Variants in ZC3H12B observed in about 807,000 individuals in gnomAD.
ZC3H12B encodes the protein probable ribonuclease ZC3H12B.
In ZC3H12B, 7 loss-of-function variants were observed where a neutral mutation model predicts 43.9. That is an observed-to-expected ratio of 0.16 (90% CI 0.09 to 0.30). The LOEUF is 0.30. Among genes scored for constraint, ZC3H12B ranks in the 10% least tolerant of loss-of-function variants. The probability of loss-of-function intolerance (pLI) is 1.00; values close to 1 mark genes in which losing one functional copy is unlikely to be tolerated. For synonymous variants in ZC3H12B, 222 were observed against 241.7 expected (o/e 0.92, Z 0.76); for missense variants, 475 against 670.2 (o/e 0.71, Z 3.22).
the ZC3H12B span, among the ~76,000 whole-genome samples, chrX:65,350,842 A>G: frequency 1.8e-5 from 2 of 112,128 alleles, no homozygotes; most frequent in East Asian, 5.6e-4. Context: ...ATGGAAAAAC[A>G]TTCCATGCTC....
At chrX:65,228,241 A>T in the ZC3H12B span, among the ~76,000 whole-genome samples, 1 of 112,192 alleles carries the variant, frequency 8.9e-6, no homozygotes, top group Admixed American at 9.5e-5. Flanking sequence ...ACACAAATCA[A>T]TAAATATAAT....
the ZC3H12B span, among the ~76,000 whole-genome samples, chrX:65,163,388 G>A: frequency 9.0e-6 from 1 of 111,678 alleles, no homozygotes; most frequent in Admixed American, 9.5e-5. Flanking sequence ...GCCTACAGAA[G>A]CAGGCAGGCC....
At chrX:65,209,772 C>T in the ZC3H12B span, among the ~76,000 whole-genome samples, 1 of 104,919 alleles carries the variant, frequency 9.5e-6, no homozygotes, top group Non-Finnish European at 1.9e-5. Flanking sequence ...CACATATCTA[C>T]AACTATCTGA....
intron 3 of ZC3H12B, chrX:65,408,591 C>A: frequency 8.7e-7 from 1 of 1,154,256 alleles, no homozygotes; most frequent in African/African-American, 1.8e-5. Flanking sequence ...CTGTCTAGTG[C>A]TCTGAGTGGG....
chrX:65,306,622 G>A, the ZC3H12B span, among the ~76,000 whole-genome samples: 1 of 111,571 alleles, frequency 9.0e-6, no homozygotes, highest in Admixed American at 9.5e-5. Context: ...CAATCCACCC[G>A]CCTCGGCCTC....
the ZC3H12B span, among the ~76,000 whole-genome samples, chrX:65,285,214 C>G: frequency 9.1e-6 from 1 of 109,928 alleles, no homozygotes; most frequent in Non-Finnish European, 1.9e-5. Flanking sequence ...TTGGTACACC[C>G]TTCACTTGAG....
chrX:65,204,145 T>C, the ZC3H12B span, among the ~76,000 whole-genome samples: 1 of 110,768 alleles, frequency 9.0e-6, no homozygotes, highest in African/African-American at 3.4e-5. Context: ...AAAACTGTAT[T>C]TTCTACCCTC....
chrX:65,078,731 T>A, the ZC3H12B span, among the ~76,000 whole-genome samples: 1 of 111,290 alleles, frequency 9.0e-6, no homozygotes, highest in South Asian at 3.8e-4. Flanking sequence ...TTTCTTTTAA[T>A]TTTTAATTTT....
intron 2 of ZC3H12B, among the ~76,000 whole-genome samples, chrX:65,378,027 G>A (rs929604222): frequency 9.0e-6 from 1 of 110,737 alleles, no homozygotes; most frequent in African/African-American, 3.3e-5. Flanking sequence ...TGAACCTGGG[G>A]GGTGAAGCTT....
the ZC3H12B span, among the ~76,000 whole-genome samples, chrX:65,230,080 G>A: frequency 9.0e-6 from 1 of 110,989 alleles, no homozygotes; most frequent in Non-Finnish European, 1.9e-5. Context: ...AAAGACACAT[G>A]CACACGTATG....
chrX:65,197,869 C>T, the ZC3H12B span, among the ~76,000 whole-genome samples: 1 of 112,121 alleles, frequency 8.9e-6, no homozygotes, highest in African/African-American at 3.2e-5. Context: ...ATAAATATGG[C>T]TAGTGACTCT....
chrX:65,481,135 C>T (rs1177200839), intron 3 of ZC3H12B, among the ~76,000 whole-genome samples: 1 of 110,811 alleles, frequency 9.0e-6, no homozygotes, highest in Non-Finnish European at 1.9e-5. Flanking sequence ...CACCTCCATG[C>T]CCTTTCATAT....
intron 2 of ZC3H12B, among the ~76,000 whole-genome samples, chrX:65,382,769 A>G (rs1312183724): frequency 3.6e-5 from 4 of 111,899 alleles, no homozygotes; most frequent in Non-Finnish European, 7.5e-5. Flanking sequence ...AAAATATAAA[A>G]TCAACGTACA....
At chrX:65,205,030 C>G in the ZC3H12B span, among the ~76,000 whole-genome samples, 1 of 111,722 alleles carries the variant, frequency 9.0e-6, no homozygotes, top group Admixed American at 9.5e-5. Flanking sequence ...CATTATCTGC[C>G]TAGCTTAATT....
At chrX:65,366,968 C>A (rs985887841) in intron 1 of ZC3H12B, among the ~76,000 whole-genome samples, 1 of 112,167 alleles carries the variant, frequency 8.9e-6, no homozygotes, top group Admixed American at 9.5e-5. Flanking sequence ...GAGGATCTTA[C>A]AAGATATTTA....
At chrX:65,213,083 A>T in the ZC3H12B span, among the ~76,000 whole-genome samples, 5 of 108,888 alleles carry the variant, frequency 4.6e-5, no homozygotes, top group African/African-American at 1.7e-4. Context: ...ATTCTGATAT[A>T]TACTGTATTC....
At chrX:65,359,136 C>A in the ZC3H12B span, among the ~76,000 whole-genome samples, 1 of 110,721 alleles carries the variant, frequency 9.0e-6, no homozygotes, top group African/African-American at 3.3e-5. Flanking sequence ...ACATTTTAGG[C>A]CTACTGTTGA....
chrX:65,289,436 C>T, the ZC3H12B span, among the ~76,000 whole-genome samples: 7 of 109,440 alleles, frequency 6.4e-5, no homozygotes, highest in East Asian at 8.6e-4. Flanking sequence ...AACCAAGCCT[C>T]GGTGACATGC....
chrX:65,496,370 C>T (rs771305556), intron 1 of ZC3H12B, among the ~76,000 whole-genome samples: 1 of 111,805 alleles, frequency 8.9e-6, no homozygotes, highest in Admixed American at 9.5e-5. Flanking sequence ...TAAGACTTAT[C>T]CCCAATTAAT....
Sources: allele counts gnomAD v4.1 joint callset (sites outside exome capture counted in the v4.1 genomes callset), GRCh38; gene constraint gnomAD v4.1.1; transcripts MANE v1.5; gene names NCBI Gene and HGNC (gene_info 2026-07-23, HGNC 2026-07-21).